GFOD2: variants seen among roughly 807,000 people sequenced by gnomAD.
GFOD2 encodes glucose-fructose oxidoreductase domain-containing protein 2.
A neutral mutation model predicts 24.6 loss-of-function variants in GFOD2; 9 were observed. The observed-to-expected ratio is 0.37, with a 90% CI of 0.22 to 0.64. The LOEUF is 0.64. Among genes scored for constraint, GFOD2 ranks in the 30% least tolerant of loss-of-function variants. GFOD2 has a pLI of 0.65. For missense variants in GFOD2, 476 were observed against 532.5 expected (o/e 0.89, Z 1.04); for synonymous variants, 211 against 224.8 (o/e 0.94, Z 0.55).
At position 67,685,645 on chromosome 16, in the gene GFOD2, C is replaced by T. The variant is rs751347332; in HGVS notation, c.71G>A (p.Arg24Lys). The T allele has an allele frequency of 3.7e-6, 6 of 1,614,078 alleles. 1 individual carries two copies. In the South Asian group the frequency reaches 6.6e-5, roughly 18 times the overall value. The change falls in exon 2 of 3, where the codon AGG becomes AAG. Residue 24 changes from arginine (R) to lysine (K), a missense_variant. By Grantham distance (26) the Arg-to-Lys change is conservative (BLOSUM62 2). Coordinates refer to ENST00000268797, the MANE Select transcript of GFOD2 (RefSeq NM_030819.4). ...SSARVLVPLL[R>K]AEGFTVEALW... ...GGCCTCAACAGTGAACCCTTCTGCCCTCAGCAGTGGGACCAGAACTCGGGC... is the reference window on the plus strand; with the variant it reads ...GGCCTCAACAGTGAACCCTTCTGCCTTCAGCAGTGGGACCAGAACTCGGGC...
intron 1 of GFOD2, among the ~76,000 whole-genome samples, chr16:67,691,146 G>A (rs2053309699): frequency 6.6e-6 from 1 of 152,098 alleles, no homozygotes; most frequent in Non-Finnish European, 1.5e-5. Flanking sequence ...TCACAGGTGT[G>A]AGCCACTGTG....
intron 1 of GFOD2, among the ~76,000 whole-genome samples, chr16:67,691,444 C>T (rs9931366): frequency 1.3e-5 from 2 of 150,892 alleles, no homozygotes; most frequent in Non-Finnish European, 2.9e-5. Context: ...CTGGCCTCAA[C>T]TGATCTGCCC....
intron 2 of GFOD2, chr16:67,682,759 G>A: frequency 2.0e-6 from 2 of 985,326 alleles, no homozygotes; most frequent in Non-Finnish European, 2.4e-6. Flanking sequence ...CTAGCAAGGA[G>A]AGAAAAATCA....
chr16:67,709,570 C>T (rs188535816), intron 1 of GFOD2, among the ~76,000 whole-genome samples: 16 of 152,110 alleles, frequency 1.1e-4, no homozygotes, highest in Non-Finnish European at 1.5e-4. Context: ...AGATTAAATG[C>T]TATAAAGGAA....
intron 1 of GFOD2, among the ~76,000 whole-genome samples, chr16:67,686,437 A>G (rs1409817541): frequency 6.6e-6 from 1 of 152,198 alleles, no homozygotes; most frequent in Non-Finnish European, 1.5e-5. Flanking sequence ...TGGTCAAAAG[A>G]TTCAACTTTC....
chr16:67,687,613 C>G (rs2053277606), intron 1 of GFOD2, among the ~76,000 whole-genome samples: 1 of 143,682 alleles, frequency 7.0e-6, no homozygotes, highest in African/African-American at 2.6e-5. Flanking sequence ...TGCACTCCAG[C>G]CTGGGCGACA....
chr16:67,703,002 T>C (rs1398327779), intron 1 of GFOD2, among the ~76,000 whole-genome samples: 1 of 152,182 alleles, frequency 6.6e-6, no homozygotes, highest in Non-Finnish European at 1.5e-5. Flanking sequence ...GGTCACTCAC[T>C]CATTAGGCAG....
At chr16:67,694,599 G>A (rs957016010) in intron 1 of GFOD2, among the ~76,000 whole-genome samples, 2 of 152,106 alleles carry the variant, frequency 1.3e-5, no homozygotes, top group African/African-American at 4.8e-5. Context: ...CACGGCTGGA[G>A]AAATTGTTTT....
chr16:67,701,588 G>T (rs1474183925), intron 1 of GFOD2, among the ~76,000 whole-genome samples: 1 of 152,186 alleles, frequency 6.6e-6, no homozygotes, highest in Admixed American at 6.5e-5. Context: ...GGTTGTCAAG[G>T]GTTGGAACTG....
At chr16:67,708,114 T>A (rs2053450717) in intron 1 of GFOD2, among the ~76,000 whole-genome samples, 1 of 152,196 alleles carries the variant, frequency 6.6e-6, no homozygotes, top group African/African-American at 2.4e-5. Flanking sequence ...TCAAAACTCA[T>A]CAAATTGAAT....
At chr16:67,682,474 C>T in intron 2 of GFOD2, 1 of 985,376 alleles carries the variant, frequency 1.0e-6, no homozygotes, top group Non-Finnish European at 1.2e-6. Flanking sequence ...AATATAATTT[C>T]CTGAACCACT....
rs972667425 is a variant in GFOD2 at position 67,675,536 on chromosome 16, G to A, written c.777C>T (p.Arg259=). The A allele has an allele frequency of 6.2e-7, 1 of 1,613,006 alleles. No individual in the cohort carries two copies. The highest frequency in any genetic ancestry group is 1.3e-5 in the African/African-American group (1 of 74,958). The change falls in exon 3 of 3, where the codon CGC becomes CGT. Residue 259 remains arginine, a synonymous_variant. Coordinates refer to ENST00000268797, the MANE Select transcript of GFOD2 (RefSeq NM_030819.4). ...HEVMVVGSAG[R]LVARGADLYG... ...AGAGGTCGGCTCCCCGGGCGACGAG[G>A]CGTCCTGCAGAGCCTACCACCATGA...
At chr16:67,700,389 AAATTT>A (rs2142996266) in intron 1 of GFOD2, among the ~76,000 whole-genome samples, 1 of 151,970 alleles carries the variant, frequency 6.6e-6, no homozygotes, top group African/African-American at 2.4e-5. Context: ...AAAAAAAATT[AAATTT>A]AATTTAAAAA....
chr16:67,715,311 C>CA (rs2053499324), intron 1 of GFOD2, among the ~76,000 whole-genome samples: 1 of 152,222 alleles, frequency 6.6e-6, no homozygotes, highest in African/African-American at 2.4e-5. Flanking sequence ...CCACCTGCCT[C>CA]AGCCTCCCAG....
At chr16:67,711,946 G>A (rs1392437120) in intron 1 of GFOD2, among the ~76,000 whole-genome samples, 1 of 152,126 alleles carries the variant, frequency 6.6e-6, no homozygotes, top group African/African-American at 2.4e-5. Context: ...TGGCTTTTCA[G>A]AAACAGGTGT....
intron 1 of GFOD2, among the ~76,000 whole-genome samples, chr16:67,688,206 T>A (rs538613550): frequency 1.0e-3 from 155 of 151,956 alleles, no homozygotes; most frequent in Non-Finnish European, 1.5e-3. Flanking sequence ...GGGTTTTTTT[T>A]AAAAAAAGCA....
intron 2 of GFOD2, chr16:67,676,512 C>G (rs1330406303): frequency 6.0e-6 from 1 of 165,948 alleles, no homozygotes; most frequent in Non-Finnish European, 1.3e-5. Flanking sequence ...GAGGTGGGCA[C>G]ACTTCATGGA....
In GFOD2 at chr16:67,705,896, C is replaced by T. The variant is rs143233443; in HGVS notation, c.-88+13267G>A. Among the ~76,000 whole-genome samples the T allele has an allele frequency of 9.6e-4, 142 of 147,600 alleles. 2 individuals are homozygous for T. In the East Asian group the frequency reaches 0.014, roughly 15 times the overall value. On this transcript the variant is annotated intron_variant, in intron 1 of 2. Coordinates refer to ENST00000268797, the MANE Select transcript of GFOD2 (RefSeq NM_030819.4). ...CGGAGGTTGCAGTGAGCCGAGATCA[C>T]GCCACTGCACTCCAGGCTGGGCAAC...
chr16:67,709,306 G>GAA (rs576502749), intron 1 of GFOD2, among the ~76,000 whole-genome samples: 1 of 121,616 alleles, frequency 8.2e-6, no homozygotes. Flanking sequence ...TATCTCAAAA[G>GAA]AAAAAAAAAA....
Sources: gnomAD v4.1 joint callset for allele counts (sites outside exome capture counted in the v4.1 genomes callset) on GRCh38, gnomAD v4.1.1 for gene constraint, MANE v1.5 for transcripts, NCBI Gene and HGNC (gene_info 2026-07-23, HGNC 2026-07-21) for gene names.